Variants in HUNK observed in about 807,000 individuals in gnomAD.
The protein encoded by HUNK is hormonally up-regulated neu tumor-associated kinase.
Under a neutral mutation model 61.0 loss-of-function variants are expected in HUNK, and 21 were observed. The observed-to-expected ratio is 0.34, with a 90% CI of 0.24 to 0.50. The LOEUF (loss-of-function observed/expected upper bound fraction) is 0.50. HUNK is among the 20% of genes least tolerant of loss of function. The pLI, the probability that HUNK is intolerant of heterozygous loss-of-function variation, is 0.98. For synonymous variants in HUNK, 371 were observed against 386.1 expected, an observed-to-expected ratio of 0.96 and a Z score of 0.46; for missense variants, 772 against 945.7, an observed-to-expected ratio of 0.82 and a Z score of 2.41.
At chr21:31,968,739 TGTG>T (rs1568937411) in intron 6 of HUNK, among the ~76,000 whole-genome samples, 1 of 146,344 alleles carries the variant, frequency 6.8e-6, no homozygotes, top group Non-Finnish European at 1.5e-5. Flanking sequence ...TGTGTGTGTG[TGTG>T]TGTGTGTGTG....
rs113690702 is a variant in HUNK, at chr21:31,998,749, C to G, written c.1710C>G (p.His570Gln). 21 of 1,614,146 alleles carry G rather than the reference C, an allele frequency of 1.3e-5. No homozygotes were observed. In the African/African-American group the frequency reaches 2.0e-4, roughly 15 times the overall value. ...RSFESVDRDD[H>Q]VEVLSPSHHY... ...TCGAGTCTGTGGATCGCGACGACCA[C>G]GTAGAAGTGCTGTCTCCCTCTCATC... The change falls in exon 11 of 11, where the codon CAC becomes CAG. Residue 570 changes from histidine (H) to glutamine (Q), a missense_variant. Physicochemically the swap from His to Gln is conservative, Grantham distance 24 (BLOSUM62 0). Coordinates refer to ENST00000270112, the MANE Select transcript of HUNK (RefSeq NM_014586.2).
At chr21:31,917,261 TA>T (rs2052589794) in intron 1 of HUNK, among the ~76,000 whole-genome samples, 1 of 151,954 alleles carries the variant, frequency 6.6e-6, no homozygotes, top group Non-Finnish European at 1.5e-5. Context: ...GGTGAGATCA[TA>T]GGTCACTACA....
chr21:31,974,185 A>G lies in HUNK; in HGVS notation c.1011-370A>G, dbSNP rs77009110. The G allele has an allele frequency of 8.1e-3, 1,270 of 156,810 alleles. 20 individuals carry two copies. The highest frequency in any genetic ancestry group is 0.028 in the African/African-American group (1,179 of 41,732). The allele number at this position is 156,810 out of a possible 1,614,324, so 9.7% of individuals were successfully genotyped here. On this transcript the variant is annotated intron_variant, in intron 6 of 10. Transcript: ENST00000270112. ...GAGTATAATCTGGGTATTAGATGCT[A>G]TTAAGTGATTATTAAAATTTTATTG...
At chr21:31,946,348 A>G (rs1317713472) in intron 4 of HUNK, among the ~76,000 whole-genome samples, 177 bp downstream of exon 4, 1 of 152,084 alleles carries the variant, frequency 6.6e-6, no homozygotes, top group Non-Finnish European at 1.5e-5. Context: ...TTTTCTGCAC[A>G]AACTGTCAGA....
At chr21:31,875,906 C>T (rs1024311948) in intron 1 of HUNK, among the ~76,000 whole-genome samples, 2 of 152,144 alleles carry the variant, frequency 1.3e-5, no homozygotes, top group South Asian at 2.1e-4. Context: ...TCTGTAGCAG[C>T]GCATTTTTGC....
chr21:31,924,811 C>T lies in HUNK; in HGVS notation c.554+51C>T. The T allele has an allele frequency of 1.3e-6, 2 of 1,506,856 alleles. No homozygotes were observed. Among genetic ancestry groups the T allele is most frequent in the Non-Finnish European group, 1.8e-6 (2 of 1,118,688 alleles). 93.3% of individuals were successfully genotyped at this position (1,506,856 alleles called of 1,614,324 possible). A position where few individuals can be genotyped will look rare whatever the true frequency, so the allele number is the denominator to read the frequency against. On this transcript the variant is annotated intron_variant, in intron 2 of 10. Coordinates refer to ENST00000270112, the MANE Select transcript of HUNK (RefSeq NM_014586.2). This position sits in a 1 kb window ranked among gnomAD's most constrained non-coding sequence, Gnocchi z 5.1. ...CGCTGACTGTGTGCTCCGTGGGTGGCACTGGGCTGTGGCACCCTCTGAGCC... is the reference window on the plus strand; with the variant it reads ...CGCTGACTGTGTGCTCCGTGGGTGGTACTGGGCTGTGGCACCCTCTGAGCC...
At chr21:31,895,025 T>C (rs899395181) in intron 1 of HUNK, among the ~76,000 whole-genome samples, 3 of 152,238 alleles carry the variant, frequency 2.0e-5, no homozygotes, top group African/African-American at 7.2e-5. Context: ...TTTTAGCGAA[T>C]CTCAGGTAAA....
At chr21:31,897,928 G>A (rs2052436582) in intron 1 of HUNK, among the ~76,000 whole-genome samples, 1 of 152,148 alleles carries the variant, frequency 6.6e-6, no homozygotes, top group Non-Finnish European at 1.5e-5. Context: ...CCTGCCCTGG[G>A]ATGCTCATCA....
At chr21:31,984,372 C>T (rs568692612) in intron 8 of HUNK, among the ~76,000 whole-genome samples, 16 of 151,704 alleles carry the variant, frequency 1.1e-4, no homozygotes, top group African/African-American at 2.2e-4. Flanking sequence ...AATGATTATG[C>T]GTCAACTAAA....
At chr21:31,992,712 A>G (rs536423562) in intron 9 of HUNK, among the ~76,000 whole-genome samples, 1 of 152,222 alleles carries the variant, frequency 6.6e-6, no homozygotes, top group Admixed American at 6.5e-5. Flanking sequence ...TGTTTCTGTT[A>G]TGTAAGGCAA....
At chr21:31,891,343 C>T (rs1395127785) in intron 1 of HUNK, among the ~76,000 whole-genome samples, 1 of 152,242 alleles carries the variant, frequency 6.6e-6, no homozygotes, top group African/African-American at 2.4e-5. Flanking sequence ...CGCCACTGCA[C>T]TCCAGCCTGG....
At chr21:31,919,932 G>T (rs187415288) in intron 1 of HUNK, among the ~76,000 whole-genome samples, 86 of 152,338 alleles carry the variant, frequency 5.6e-4, no homozygotes, top group Non-Finnish European at 7.9e-4. Flanking sequence ...GAAGCTATTT[G>T]TTCCTTGTGG....
chr21:31,911,680 G>C (rs921463636), intron 1 of HUNK, among the ~76,000 whole-genome samples: 6 of 152,050 alleles, frequency 3.9e-5, no homozygotes, highest in Non-Finnish European at 7.4e-5. Context: ...GTTTGGGAGA[G>C]AGATGGGGTG....
intron 5 of HUNK, among the ~76,000 whole-genome samples, chr21:31,962,311 G>A (rs913945763): frequency 6.6e-6 from 1 of 152,212 alleles, no homozygotes; most frequent in Non-Finnish European, 1.5e-5. Context: ...GACAAGCGCA[G>A]GTAGGTTAGT....
chr21:31,938,632 A>G (rs753090542), intron 2 of HUNK, among the ~76,000 whole-genome samples: 61 of 152,224 alleles, frequency 4.0e-4, no homozygotes, highest in Non-Finnish European at 6.8e-4. Context: ...CAATAGAGAT[A>G]AGAGGAAAAA....
At chr21:31,951,653 GA>G (rs1047673879) in intron 4 of HUNK, among the ~76,000 whole-genome samples, 4 of 151,520 alleles carry the variant, frequency 2.6e-5, no homozygotes, top group South Asian at 4.2e-4. Context: ...TCACATAGTG[GA>G]AAAAAAAATC....
intron 2 of HUNK, among the ~76,000 whole-genome samples, chr21:31,937,639 T>C (rs2052741240): frequency 6.6e-6 from 1 of 152,260 alleles, no homozygotes; most frequent in Admixed American, 6.5e-5. Flanking sequence ...AATTGTTTCA[T>C]GAAATGTGAC....
At chr21:31,911,930 C>T (rs556295325) in intron 1 of HUNK, among the ~76,000 whole-genome samples, 2,555 of 5,090 alleles carry the variant, frequency 0.5, 65 homozygotes, top group African/African-American at 0.51. Flanking sequence ...CAAGCAGGGA[C>T]GATAGTCACT....
intron 1 of HUNK, among the ~76,000 whole-genome samples, chr21:31,891,453 C>T (rs1182676185): frequency 1.3e-5 from 2 of 152,212 alleles, no homozygotes; most frequent in African/African-American, 4.8e-5. Flanking sequence ...CATACGAACA[C>T]ACCCGTGATT....
Sources: allele counts gnomAD v4.1 joint callset (sites outside exome capture counted in the v4.1 genomes callset), GRCh38; gene constraint gnomAD v4.1.1; non-coding constraint Gnocchi (gnomAD v3.1); transcripts MANE v1.5; gene names NCBI Gene and HGNC (gene_info 2026-07-23, HGNC 2026-07-21).